Variants in OSBPL1A observed in about 807,000 individuals in gnomAD.
OSBPL1A encodes oxysterol binding protein like 1A, also known as oxysterol-binding protein-related protein 1.
A neutral mutation model predicts 137.1 loss-of-function variants in OSBPL1A; 80 were observed. That is an observed-to-expected ratio of 0.58 (90% CI 0.49 to 0.70). The LOEUF is 0.70. Ranked by LOEUF, OSBPL1A falls within the 30% of genes least tolerant of loss-of-function variation. The probability of loss-of-function intolerance (pLI) is 0.00; values close to 1 mark genes in which losing one functional copy is unlikely to be tolerated. For synonymous variants in OSBPL1A, 365 were observed against 389.7 expected, an observed-to-expected ratio of 0.94 and a Z score of 0.75; for missense variants, 970 against 1,129.4, an observed-to-expected ratio of 0.86 and a Z score of 2.02.
At position 24,368,347 on chromosome 18, in the gene OSBPL1A, C is replaced by T; in HGVS notation, c.147G>A (p.Trp49Ter). Residue 49 changes from tryptophan (W) to a stop codon, truncating the protein, a stop_gained, in exon 3 of 28, where the codon TGG becomes TGA. Coordinates refer to ENST00000319481, the MANE Select transcript of OSBPL1A (RefSeq NM_080597.4). LOFTEE classifies it high-confidence loss of function. ...AATAGCATGCCAGATGTAGAGGTGTCCAGCCCAAGTTAGACTTACTTCTTC... is the reference window on the plus strand; with the variant it reads ...AATAGCATGCCAGATGTAGAGGTGTTCAGCCCAAGTTAGACTTACTTCTTC... ...CKGRSKSNLG[W>*]TPLHLACYFG... The T allele has an allele frequency of 6.2e-7, 1 of 1,613,452 alleles. No homozygotes were observed. The highest frequency in any genetic ancestry group is 8.5e-7 in the Non-Finnish European group (1 of 1,179,512).
chr18:24,226,493 G>C (rs118186825), intron 16 of OSBPL1A, among the ~76,000 whole-genome samples: 85 of 152,242 alleles, frequency 5.6e-4, no homozygotes, highest in Non-Finnish European at 1.1e-3. Context: ...CTCATCCTCA[G>C]CTCTAAGAAA....
intron 4 of OSBPL1A, among the ~76,000 whole-genome samples, chr18:24,344,233 T>C (rs1461796083): frequency 6.6e-6 from 1 of 152,176 alleles, no homozygotes; most frequent in Non-Finnish European, 1.5e-5. Context: ...ACGGATCACT[T>C]GAGGCCAGGG....
intron 7 of OSBPL1A, among the ~76,000 whole-genome samples, chr18:24,319,260 T>C (rs1488457009): frequency 6.6e-6 from 1 of 152,150 alleles, no homozygotes; most frequent in Non-Finnish European, 1.5e-5. Flanking sequence ...AGCACATCAT[T>C]CCAACCTCTG....
At chr18:24,281,243 G>A (rs1031211959) in intron 14 of OSBPL1A, among the ~76,000 whole-genome samples, 13 of 151,808 alleles carry the variant, frequency 8.6e-5, no homozygotes, top group South Asian at 6.2e-4. Flanking sequence ...ACACCACCAC[G>A]CCCAGCTAAT....
In OSBPL1A at chr18:24,324,603, T is replaced by A. The variant is rs1217806222; in HGVS notation, c.626-5794A>T. ...CCCAATAAAAACATGAATATGAATA[T>A]AAAAAAAAAAAAAAAAAAAAAAAAA... On this transcript the variant is annotated intron_variant, in intron 7 of 27. Coordinates refer to ENST00000319481, the MANE Select transcript of OSBPL1A (RefSeq NM_080597.4). Among the ~76,000 whole-genome samples, 47 of 5,620 alleles carry A rather than the reference T, an allele frequency of 8.4e-3. 7 individuals carry two copies. Among genetic ancestry groups the A allele is most frequent in the Non-Finnish European group, 0.011 (34 of 2,970 alleles). The allele number at this position is 5,620 out of a possible 152,430, so 3.7% of individuals were successfully genotyped here.
At chr18:24,316,086 C>T (rs1487059125) in intron 11 of OSBPL1A, among the ~76,000 whole-genome samples, 1 of 150,890 alleles carries the variant, frequency 6.6e-6, no homozygotes, top group Admixed American at 6.7e-5. Flanking sequence ...CATGGCAAAA[C>T]CCCGTCTTTA....
In OSBPL1A at chr18:24,192,398, C is replaced by G. The variant is rs577358741; in HGVS notation, c.1677+3727G>C. Among the ~76,000 whole-genome samples the G allele has an allele frequency of 3.3e-5, 5 of 152,262 alleles. No homozygotes were observed. The South Asian group carries it at 1.0e-3, about 32-fold the overall frequency. On this transcript the variant is annotated intron_variant, in intron 18 of 27. Transcript: ENST00000319481. ...TAAGCAAAGGCTTCAAATGACTAAG[C>G]AGTGTCAGGATTAGTTCTCAGGAGC...
At chr18:24,296,737 C>T (rs917767225) in intron 14 of OSBPL1A, among the ~76,000 whole-genome samples, 7 of 152,062 alleles carry the variant, frequency 4.6e-5, no homozygotes, top group Admixed American at 2.0e-4. Context: ...TTATCAAATG[C>T]TTTTTCTGCA....
chr18:24,344,454 AAAAATAAAAT>A (rs534563770), intron 4 of OSBPL1A, among the ~76,000 whole-genome samples: 2 of 152,228 alleles, frequency 1.3e-5, no homozygotes, highest in African/African-American at 4.8e-5. Context: ...TTCTGTCTCA[AAAAATAAAAT>A]AAAATAAAAT....
Position 24,246,275 on chromosome 18 carries a change from C to T in OSBPL1A, c.1282-6893G>A, listed in dbSNP as rs552212682. On this transcript the variant is annotated intron_variant, in intron 15 of 27. Transcript: ENST00000319481. ...ACTAAATTAAGAACTAAGAATAAAG[C>T]CACCTAAGGGACCGAGGCAGATTTA... is the stretch of plus-strand genomic sequence containing the variant. 6.6e-5 allele frequency among the ~76,000 whole-genome samples: 10 copies of T among 151,930 alleles called. No individual in the cohort carries two copies. The South Asian group carries it at 2.1e-3, about 32-fold the overall frequency.
At chr18:24,177,986 G>T in intron 21 of OSBPL1A, 27 bp downstream of exon 21, 6 of 1,597,648 alleles carry the variant, frequency 3.8e-6, no homozygotes, top group Non-Finnish European at 5.1e-6. Context: ...TACATGAAAA[G>T]AGTGTAATGG....
chr18:24,308,797 CT>C lies in OSBPL1A; in HGVS notation c.1092+3186del, dbSNP rs2090558978. Among the ~76,000 whole-genome samples, 6 of 151,510 alleles carry C rather than the reference CT, an allele frequency of 4.0e-5. No individual in the cohort carries two copies. The South Asian group carries it at 1.3e-3, about 32-fold the overall frequency. On this transcript the variant is annotated intron_variant, in intron 13 of 27. Coordinates refer to ENST00000319481, the MANE Select transcript of OSBPL1A (RefSeq NM_080597.4). ...ATTTTTTTTTTTGAGTCGTCTCACT[CT>C]TTCGCCCAGACTGGAGTGCAGTGGC... is the stretch of plus-strand genomic sequence containing the variant.
chr18:24,317,028 T>A, intron 11 of OSBPL1A, 121 bp downstream of exon 11: 1 of 916,554 alleles, frequency 1.1e-6, no homozygotes, highest in African/African-American at 1.7e-5. Context: ...TATATACAAG[T>A]GTTTTCTACA....
At chr18:24,334,793 A>G (rs1568035385) in intron 5 of OSBPL1A, among the ~76,000 whole-genome samples, 2 of 152,202 alleles carry the variant, frequency 1.3e-5, no homozygotes, top group African/African-American at 4.8e-5. Flanking sequence ...ATGTATGTAT[A>G]TATGTTGAGA....
At chr18:24,378,678 G>A (rs2146206439) in intron 1 of OSBPL1A, among the ~76,000 whole-genome samples, 1 of 152,322 alleles carries the variant, frequency 6.6e-6, no homozygotes, top group South Asian at 2.1e-4. Context: ...GTATAGGCTG[G>A]TGACTGGATG....
At chr18:24,369,188 G>T (rs539414888) in intron 2 of OSBPL1A, among the ~76,000 whole-genome samples, 24 of 152,316 alleles carry the variant, frequency 1.6e-4, no homozygotes, top group African/African-American at 5.8e-4. Flanking sequence ...TTTGACTTCA[G>T]ATAAAGTCTC....
rs2091021512 is a variant in OSBPL1A at position 24,328,577 on chromosome 18, G to A, written c.625+4365C>T. 2.6e-5 allele frequency among the ~76,000 whole-genome samples: 4 copies of A among 152,252 alleles called. No individual in the cohort carries two copies. The South Asian group carries it at 8.3e-4, about 32-fold the overall frequency. On this transcript the variant is annotated intron_variant, in intron 7 of 27. Coordinates refer to ENST00000319481, the MANE Select transcript of OSBPL1A (RefSeq NM_080597.4). ...AGCTAGCTCTTAAAGCAAGACTAGG[G>A]TTTACCAGACGGACAAGAAAGACAA...
At chr18:24,226,765 T>C (rs988388562) in intron 16 of OSBPL1A, among the ~76,000 whole-genome samples, 1 of 152,200 alleles carries the variant, frequency 6.6e-6, no homozygotes, top group Non-Finnish European at 1.5e-5. Context: ...CTATAAATGA[T>C]CTAAGTTACC....
chr18:24,165,316 G>A (rs542945165), intron 26 of OSBPL1A, among the ~76,000 whole-genome samples, 161 bp from the exon 27 acceptor site: 73 of 152,256 alleles, frequency 4.8e-4, no homozygotes, highest in African/African-American at 1.8e-3. Context: ...AATTTTAACA[G>A]ATACCTGGGC....
Sources: allele counts gnomAD v4.1 joint callset (sites outside exome capture counted in the v4.1 genomes callset), GRCh38; gene constraint gnomAD v4.1.1; transcripts MANE v1.5; gene names NCBI Gene and HGNC (gene_info 2026-07-23, HGNC 2026-07-21).